Variants in ZNF670 observed in about 807,000 individuals in gnomAD.
ZNF670 encodes zinc finger protein 670.
ZNF670 carries 7 observed loss-of-function variants against 10.9 expected under a neutral mutation model. The observed-to-expected ratio is 0.64, with a 90% CI of 0.36 to 1.20. The LOEUF is 1.20. Ranked by LOEUF, ZNF670 falls within the 50% of genes most tolerant of loss-of-function variation. The pLI, the probability that ZNF670 is intolerant of heterozygous loss-of-function variation, is 0.02. For synonymous variants in ZNF670, 136 were observed against 152.7 expected, an observed-to-expected ratio of 0.89 and a Z score of 0.81; for missense variants, 446 against 458.6, an observed-to-expected ratio of 0.97 and a Z score of 0.25.
intron 1 of ZNF670, among the ~76,000 whole-genome samples, chr1:247,076,456 T>C (rs1292140964): frequency 7.9e-5 from 12 of 151,538 alleles, no homozygotes; most frequent in African/African-American, 2.7e-4. Context: ...TGGGGTTTCA[T>C]CACATTAGCC....
At chr1:247,050,121 T>C (rs572090008) in intron 1 of ZNF670, among the ~76,000 whole-genome samples, 44 of 152,342 alleles carry the variant, frequency 2.9e-4, no homozygotes, top group African/African-American at 1.0e-3. Flanking sequence ...CAGTGGAGTA[T>C]TGAAGTCCCC....
intron 1 of ZNF670, among the ~76,000 whole-genome samples, chr1:247,067,702 C>T (rs1443118994): frequency 1.1e-4 from 17 of 149,732 alleles, no homozygotes; most frequent in African/African-American, 3.0e-4. Flanking sequence ...ATTAGCCGGG[C>T]GTAGTGGCGG....
In ZNF670 at chr1:247,043,265, T is replaced by C. The variant is rs556673107; in HGVS notation, c.4-3728A>G. The C allele has an allele frequency of 7.6e-6, 5 of 660,196 alleles. No individual in the cohort carries two copies. In the East Asian group the frequency reaches 1.8e-4, roughly 24 times the overall value. The allele number at this position is 660,196 out of a possible 1,614,324, so 40.9% of individuals were successfully genotyped here. ...GATTTAAGCATTGTCTCTGGGTATA[T>C]TCTGGAAGGAGGGGTGTACATTGTT... On this transcript the variant is annotated intron_variant, in intron 1 of 3. Transcript: ENST00000366503.
chr1:247,067,373 T>C (rs1186978482), intron 1 of ZNF670, among the ~76,000 whole-genome samples: 2 of 145,308 alleles, frequency 1.4e-5, no homozygotes, highest in African/African-American at 2.6e-5. Flanking sequence ...GAGGCAGAGG[T>C]TGCAGCAAAC....
intron 1 of ZNF670, among the ~76,000 whole-genome samples, chr1:247,076,952 C>T (rs186058764): frequency 2.4e-4 from 36 of 152,374 alleles, no homozygotes; most frequent in Non-Finnish European, 4.0e-4. Flanking sequence ...TGGGCCACCA[C>T]GCCCAGCCAA....
At position 247,037,457 on chromosome 1, in the gene ZNF670, T is replaced by C. The variant is rs145519575; in HGVS notation, c.1162A>G (p.Met388Val). 4.7e-4 allele frequency: 756 copies of C among 1,606,902 alleles called. 1 individual carries two copies. The highest frequency in any genetic ancestry group is 5.9e-4 in the Non-Finnish European group (690 of 1,177,498). Residue 388 changes from methionine (M) to valine (V), a missense_variant, in exon 4 of 4, where the codon ATG becomes GTG. By Grantham distance (21) the Met-to-Val change is conservative. Transcript: ENST00000366503. ...SSLRKHERAYMW is the reference protein window; with the variant it reads ...SSLRKHERAYVW The stretch of plus-strand genomic sequence containing the variant: ...TTTGTTGTTGTTGTTTTTTACCACA[T>C]ATAAGCTCTTTCATGCTTTCGAAGG...
In ZNF670 at chr1:247,038,872, TA is replaced by T; in HGVS notation, c.131-3del. ...TATTCTGGTCTTCTGATTTGTTTCC[TA>T]AAAGGTACAACCATAAGATTATTCA... is the stretch of plus-strand genomic sequence containing the variant. On this transcript the variant is annotated splice_polypyrimidine_tract_variant and splice_region_variant and intron_variant, in intron 2 of 3. Transcript: ENST00000366503. 6.2e-7 allele frequency: 1 copy of T among 1,609,844 alleles called. No individual in the cohort carries two copies. Among genetic ancestry groups the T allele is most frequent in the Non-Finnish European group, 8.5e-7 (1 of 1,176,878 alleles).
In ZNF670 at chr1:247,078,726, C is replaced by A. The variant is rs1166056239; in HGVS notation, c.-130G>T. On this transcript the variant is annotated 5_prime_UTR_variant, in exon 1 of 4. Coordinates refer to ENST00000366503, the MANE Select transcript of ZNF670 (RefSeq NM_033213.5). ...AGGGGAAGGAGCAGCGGAGACGCAC[C>A]GAGCTCGCCACATTCGCGCTGCCCA... is the stretch of plus-strand genomic sequence containing the variant. The A allele has an allele frequency of 5.9e-6, 6 of 1,016,376 alleles. No homozygotes were observed. In the African/African-American group the frequency reaches 9.7e-5, roughly 16 times the overall value. The allele number at this position is 1,016,376 out of a possible 1,614,324, so 63.0% of individuals were successfully genotyped here.
At chr1:247,066,870 C>G (rs1187951165) in intron 1 of ZNF670, among the ~76,000 whole-genome samples, 1 of 152,172 alleles carries the variant, frequency 6.6e-6, no homozygotes, top group Non-Finnish European at 1.5e-5. Context: ...CCCAGACATT[C>G]CTTTCTGTTG....
intron 1 of ZNF670, among the ~76,000 whole-genome samples, chr1:247,048,406 T>C (rs752875352): frequency 6.6e-6 from 1 of 152,214 alleles, no homozygotes; most frequent in African/African-American, 2.4e-5. Context: ...CTTAACTGTC[T>C]ATATCACTAT....
At chr1:247,041,580 C>T (rs1013322068) in intron 1 of ZNF670, among the ~76,000 whole-genome samples, 1 of 152,138 alleles carries the variant, frequency 6.6e-6, no homozygotes, top group Non-Finnish European at 1.5e-5. Flanking sequence ...CAACTGATAC[C>T]CTCCATTGCT....
chr1:247,056,126 A>C (rs1217730453), intron 1 of ZNF670, among the ~76,000 whole-genome samples: 1 of 152,072 alleles, frequency 6.6e-6, no homozygotes, highest in Non-Finnish European at 1.5e-5. Flanking sequence ...AAAAAAAAAA[A>C]AAAAATCAAT....
chr1:247,077,489 A>G (rs1035944217), intron 1 of ZNF670, among the ~76,000 whole-genome samples: 1 of 152,206 alleles, frequency 6.6e-6, no homozygotes, highest in Non-Finnish European at 1.5e-5. Context: ...TAAAATTAGG[A>G]GATGCACAAA....
At position 247,038,216 on chromosome 1, in the gene ZNF670, C is replaced by A. The variant is rs1308586093; in HGVS notation, c.403G>T (p.Glu135Ter). 1 of 1,614,170 alleles carries A rather than the reference C, an allele frequency of 6.2e-7. No individual in the cohort carries two copies. Among genetic ancestry groups the A allele is most frequent in the South Asian group, 1.1e-5 (1 of 91,082 alleles). The change falls in exon 4 of 4, where the codon GAA (glutamate) becomes TAA (stop). Residue 135 changes from glutamate (E) to a stop codon, truncating the protein, a stop_gained. Transcript: ENST00000366503. LOFTEE classifies it low-confidence loss of function (END_TRUNC). The stretch of plus-strand genomic sequence containing the variant: ...CAATGATATAACTTCTCTGGACATT[C>A]CTCACACTCAAATAGTTTGTTTCCA... ...HIGNKLFECE[E>*]CPEKLYHCKQ...
chr1:247,039,401 T>C lies in ZNF670; in HGVS notation c.130+10A>G. 1 of 1,603,632 alleles carries C rather than the reference T, an allele frequency of 6.2e-7. No homozygotes were observed. Among genetic ancestry groups the C allele is most frequent in the Non-Finnish European group, 8.5e-7 (1 of 1,176,252 alleles). On this transcript the variant is annotated intron_variant, in intron 2 of 3. Coordinates refer to ENST00000366503, the MANE Select transcript of ZNF670 (RefSeq NM_033213.5). Reference sequence around the variant, plus strand: ...TAATCAACTACGTGAATAAGTGTTGTTATTCTTACCTACAGAAGCCAGGTT... The same window carrying C: ...TAATCAACTACGTGAATAAGTGTTGCTATTCTTACCTACAGAAGCCAGGTT...
intron 1 of ZNF670, among the ~76,000 whole-genome samples, chr1:247,051,629 T>C (rs1161623902): frequency 2.0e-5 from 3 of 152,204 alleles, no homozygotes; most frequent in South Asian, 2.1e-4. Context: ...CAGGTGTTGT[T>C]TGAGCTTCTT....
At chr1:247,062,896 T>C (rs1329130274) in intron 1 of ZNF670, among the ~76,000 whole-genome samples, 2 of 132,210 alleles carry the variant, frequency 1.5e-5, no homozygotes, top group East Asian at 3.9e-4. Flanking sequence ...CACTCCAAGA[T>C]AAGGCCACTG....
At chr1:247,045,156 G>T (rs928268760) in intron 1 of ZNF670, among the ~76,000 whole-genome samples, 7 of 152,186 alleles carry the variant, frequency 4.6e-5, no homozygotes, top group African/African-American at 1.7e-4. Context: ...AGCAGTACGT[G>T]TATAGGAAAA....
At chr1:247,040,311 T>A (rs1242829852) in intron 1 of ZNF670, among the ~76,000 whole-genome samples, 1 of 152,230 alleles carries the variant, frequency 6.6e-6, no homozygotes. Context: ...TGATAATTTA[T>A]CTTTAATAAC....
Sources: gnomAD v4.1 joint callset for allele counts (sites outside exome capture counted in the v4.1 genomes callset) on GRCh38, gnomAD v4.1.1 for gene constraint, MANE v1.5 for transcripts, NCBI Gene and HGNC (gene_info 2026-07-23, HGNC 2026-07-21) for gene names.